Variants in GABRG3 observed in about 807,000 individuals in gnomAD.
The protein encoded by GABRG3 is gamma-aminobutyric acid receptor subunit gamma-3.
GABRG3 carries 25 observed loss-of-function variants against 48.8 expected under a neutral mutation model. That is an observed-to-expected ratio of 0.51 (90% CI 0.37 to 0.72). The LOEUF is 0.72. GABRG3 is among the 30% of genes least tolerant of loss of function. GABRG3 has a pLI of 0.00. For missense variants in GABRG3, 394 were observed against 577.9 expected (o/e 0.68, Z 3.26); for synonymous variants, 227 against 217.6 (o/e 1.04, Z -0.38).
At chr15:27,071,605 G>T (rs973466688) in intron 3 of GABRG3, among the ~76,000 whole-genome samples, 8 of 152,210 alleles carry the variant, frequency 5.3e-5, no homozygotes, top group Non-Finnish European at 8.8e-5. Context: ...GAAGGCCAGC[G>T]CAGGTGCAGC....
At chr15:27,214,132 G>A (rs1889162933) in intron 3 of GABRG3, among the ~76,000 whole-genome samples, 1 of 152,178 alleles carries the variant, frequency 6.6e-6, no homozygotes, top group South Asian at 2.1e-4. Flanking sequence ...ACTTACCTCT[G>A]ATGGGCTCAA....
chr15:27,500,423 C>T (rs1427238487), intron 6 of GABRG3, among the ~76,000 whole-genome samples: 1 of 152,142 alleles, frequency 6.6e-6, no homozygotes, highest in South Asian at 2.1e-4. Flanking sequence ...GCGACTCCAC[C>T]GCGACTTCCC....
chr15:27,088,231 G>A (rs975307458), intron 3 of GABRG3, among the ~76,000 whole-genome samples: 2 of 140,420 alleles, frequency 1.4e-5, no homozygotes, highest in Non-Finnish European at 3.1e-5. Context: ...GCCGCGGTGC[G>A]TTCTGGGAGT....
chr15:26,971,196 C>G lies in GABRG3; in HGVS notation c.-340C>G, dbSNP rs1477007776. On this transcript the variant is annotated 5_prime_UTR_variant, in exon 1 of 10. Coordinates refer to ENST00000615808, the MANE Select transcript of GABRG3 (RefSeq NM_033223.5). ...CCACCTCCCAGCACAGCGCACACAG[C>G]CCCGGCCTGGGCACCCGCGCCCGCT... 1 of 151,770 alleles carries G rather than the reference C, an allele frequency of 6.6e-6. No homozygotes were observed. The highest frequency in any genetic ancestry group is 2.4e-5 in the African/African-American group (1 of 41,404). 9.4% of individuals were successfully genotyped at this position (151,770 alleles called of 1,614,324 possible).
At chr15:27,503,281 G>C (rs1356483372) in intron 6 of GABRG3, among the ~76,000 whole-genome samples, 1 of 152,174 alleles carries the variant, frequency 6.6e-6, no homozygotes, top group Non-Finnish European at 1.5e-5. Flanking sequence ...CAATGTTATA[G>C]TAATGCTTTG....
chr15:27,080,695 C>T (rs967664653), intron 3 of GABRG3, among the ~76,000 whole-genome samples: 1 of 152,234 alleles, frequency 6.6e-6, no homozygotes, highest in Non-Finnish European at 1.5e-5. Context: ...GATAAGACAC[C>T]GTAAGAGATT....
At chr15:26,986,729 G>T (rs1246287798) in intron 2 of GABRG3, among the ~76,000 whole-genome samples, 3 of 152,134 alleles carry the variant, frequency 2.0e-5, no homozygotes. Flanking sequence ...ATGTCCTGAG[G>T]TATAATCTAG....
intron 3 of GABRG3, among the ~76,000 whole-genome samples, chr15:27,282,857 C>T (rs1265916946): frequency 6.6e-6 from 1 of 152,078 alleles, no homozygotes; most frequent in East Asian, 1.9e-4. Flanking sequence ...CTCATCAGTC[C>T]TCTGCTAAAA....
intron 3 of GABRG3, among the ~76,000 whole-genome samples, chr15:27,206,085 C>G (rs1888842759): frequency 6.6e-6 from 1 of 152,030 alleles, no homozygotes; most frequent in South Asian, 2.1e-4. Context: ...TATTTCCTTT[C>G]TTCTGCTAAC....
chr15:27,253,120 TGTA>T (rs1407037292), intron 3 of GABRG3, among the ~76,000 whole-genome samples: 4 of 152,210 alleles, frequency 2.6e-5, no homozygotes, highest in African/African-American at 9.6e-5. Flanking sequence ...GTGTCACTCA[TGTA>T]GTCACCGGGC....
intron 3 of GABRG3, among the ~76,000 whole-genome samples, chr15:27,191,834 A>G (rs1393486153): frequency 6.6e-6 from 1 of 151,292 alleles, no homozygotes; most frequent in Non-Finnish European, 1.5e-5. Context: ...TGGTCTTTAC[A>G]TTTTGGCATG....
chr15:27,502,183 A>T (rs1890657288), intron 6 of GABRG3, among the ~76,000 whole-genome samples: 1 of 152,246 alleles, frequency 6.6e-6, no homozygotes, highest in South Asian at 2.1e-4. Context: ...GGATCATGTT[A>T]ACTAAGTTTA....
intron 5 of GABRG3, chr15:27,340,962 T>C (rs915167359): frequency 1.0e-5 from 5 of 501,994 alleles, no homozygotes; most frequent in African/African-American, 9.8e-5. Flanking sequence ...GATGCATGCT[T>C]TTGTTTTGGG....
At chr15:27,330,650 T>C (rs545789282) in intron 5 of GABRG3, among the ~76,000 whole-genome samples, 10 of 152,358 alleles carry the variant, frequency 6.6e-5, no homozygotes, top group African/African-American at 2.4e-4. Flanking sequence ...CTTGTATAAA[T>C]TGTTTTAAAA....
At chr15:27,271,636 C>T (rs113057209) in intron 3 of GABRG3, 89 of 455,870 alleles carry the variant, frequency 2.0e-4, no homozygotes, top group African/African-American at 1.4e-3. Flanking sequence ...AATAAGCTGT[C>T]TGTAAGTACC....
intron 3 of GABRG3, among the ~76,000 whole-genome samples, chr15:27,122,939 A>G (rs1034304905): frequency 6.6e-6 from 1 of 152,240 alleles, no homozygotes; most frequent in Non-Finnish European, 1.5e-5. Context: ...CAGGAAGGTT[A>G]GGGTGGTCCC....
At chr15:27,013,059 TA>T in intron 2 of GABRG3, among the ~76,000 whole-genome samples, 1 of 152,212 alleles carries the variant, frequency 6.6e-6, no homozygotes, top group Non-Finnish European at 1.5e-5. Context: ...CAGTGAAAAA[TA>T]AAATATTTTG....
At chr15:27,155,044 C>G (rs1898393529) in intron 3 of GABRG3, among the ~76,000 whole-genome samples, 1 of 151,858 alleles carries the variant, frequency 6.6e-6, no homozygotes, top group Admixed American at 6.6e-5. Context: ...TTTTGTCTGA[C>G]TGGTCTCTGA....
Position 27,192,489 on chromosome 15 carries a change from T to A in GABRG3, c.271-134320T>A, listed in dbSNP as rs542691347. On this transcript the variant is annotated intron_variant, in intron 3 of 9. Transcript: ENST00000615808. ...TTTCATTCATTTCATCTTCCATCGC[T>A]GATACCCTTTCTTCCAGTTGATCGC... Among the ~76,000 whole-genome samples, 670 of 152,358 alleles carry A rather than the reference T, an allele frequency of 4.4e-3. 8 individuals carry two copies. Among genetic ancestry groups the A allele is most frequent in the African/African-American group, 0.015 (634 of 41,586 alleles).
Sources: gnomAD v4.1 joint callset for allele counts (sites outside exome capture counted in the v4.1 genomes callset) on GRCh38, gnomAD v4.1.1 for gene constraint, MANE v1.5 for transcripts, NCBI Gene and HGNC (gene_info 2026-07-23, HGNC 2026-07-21) for gene names.